SMIM8: variants seen among roughly 807,000 people sequenced by gnomAD.
SMIM8 encodes UPF0708 protein C6orf162.
Under a neutral mutation model 8.1 loss-of-function variants are expected in SMIM8, and 8 were observed. The ratio of observed to expected loss-of-function variants is 0.99; its 90% CI spans 0.58 to 1.78. SMIM8 has a LOEUF of 1.78. Ranked by LOEUF, SMIM8 falls within the 40% of genes most tolerant of loss-of-function variation. The probability of loss-of-function intolerance (pLI) is 0.00; values close to 1 mark genes in which losing one functional copy is unlikely to be tolerated. For synonymous variants in SMIM8, 45 were observed against 39.7 expected, an observed-to-expected ratio of 1.13 and a Z score of -0.50; for missense variants, 126 against 119.8, an observed-to-expected ratio of 1.05 and a Z score of -0.24.
At chr6:87,323,082 T>G (rs1235892698) in intron 1 of SMIM8, 2 of 141,518 alleles carry the variant, frequency 1.4e-5, no homozygotes, top group Non-Finnish European at 2.9e-5. Flanking sequence ...AATGAAGTTT[T>G]CTTTTGGAGG....
intron 1 of SMIM8, chr6:87,323,173 G>C (rs1264928891): frequency 3.9e-5 from 6 of 152,244 alleles, no homozygotes. Flanking sequence ...ATGAGACTCA[G>C]ATTGTCAGTA....
At position 87,330,729 on chromosome 6, in the gene SMIM8, C is replaced by T. The variant is rs1463172239; in HGVS notation, c.-24+17C>T. On this transcript the variant is annotated intron_variant, in intron 2 of 3. Coordinates refer to ENST00000392863, the MANE Select transcript of SMIM8 (RefSeq NM_001042493.3). Reference sequence around the variant, plus strand: ...AAGAAAAAGGTAAAGAACATTTTACCAGAGAGAAACAAATGAAGCAAATAC... The same window carrying T: ...AAGAAAAAGGTAAAGAACATTTTACTAGAGAGAAACAAATGAAGCAAATAC... 6.6e-6 allele frequency: 1 copy of T among 151,950 alleles called. No homozygotes were observed. The highest frequency in any genetic ancestry group is 1.5e-5 in the Non-Finnish European group (1 of 68,002). The allele number at this position is 151,950 out of a possible 1,614,324, so 9.4% of individuals were successfully genotyped here.
chr6:87,333,793 T>C (rs531482867), intron 2 of SMIM8, among the ~76,000 whole-genome samples: 2 of 152,364 alleles, frequency 1.3e-5, no homozygotes, highest in East Asian at 3.9e-4. Flanking sequence ...GAAATGGGCA[T>C]GTAACTGTGC....
chr6:87,322,698 C>T (rs1225231809), intron 1 of SMIM8, 66 bp downstream of exon 1: 1 of 152,190 alleles, frequency 6.6e-6, no homozygotes, highest in Non-Finnish European at 1.5e-5. Context: ...GGCGGCCGCA[C>T]CATCACGCTC....
chr6:87,336,833 T>G (rs1777121855), intron 2 of SMIM8, among the ~76,000 whole-genome samples, 176 bp from the exon 3 acceptor site: 2 of 148,864 alleles, frequency 1.3e-5, no homozygotes, highest in Non-Finnish European at 2.9e-5. Context: ...AATTAACAAA[T>G]TAAAGTTAAA....
At chr6:87,326,401 T>C (rs1776822446) in intron 1 of SMIM8, among the ~76,000 whole-genome samples, 1 of 152,214 alleles carries the variant, frequency 6.6e-6, no homozygotes, top group Non-Finnish European at 1.5e-5. Context: ...CTTGTGGGCA[T>C]TTAGGGCTAT....
chr6:87,340,005 G>A (rs569120737), intron 3 of SMIM8, 111 bp from the exon 4 acceptor site: 1 of 722,976 alleles, frequency 1.4e-6, no homozygotes, highest in Admixed American at 3.2e-5. Flanking sequence ...CCATGGTAAT[G>A]CTAGTGTTGT....
At chr6:87,336,235 A>G (rs1405287839) in intron 2 of SMIM8, among the ~76,000 whole-genome samples, 1 of 152,094 alleles carries the variant, frequency 6.6e-6, no homozygotes, top group African/African-American at 2.4e-5. Context: ...CCAGCATTAG[A>G]TGGCAGAGAG....
chr6:87,341,596 A>G lies in SMIM8; in HGVS notation c.*1322A>G, dbSNP rs1397019418. The G allele has an allele frequency of 1.3e-5, 4 of 298,650 alleles. No individual in the cohort carries two copies. In the East Asian group the frequency reaches 1.7e-4, roughly 13 times the overall value. The allele number at this position is 298,650 out of a possible 1,614,324, so 18.5% of individuals were successfully genotyped here. A position where few individuals can be genotyped will look rare whatever the true frequency, so the allele number is the denominator to read the frequency against. On this transcript the variant is annotated 3_prime_UTR_variant, in exon 4 of 4. Transcript: ENST00000392863. ...ATTAATATTACCAAGTAATAATAACAGCACAGGCAGAGTTTATCATAATGT... is the reference window on the plus strand; with the variant it reads ...ATTAATATTACCAAGTAATAATAACGGCACAGGCAGAGTTTATCATAATGT...
intron 1 of SMIM8, among the ~76,000 whole-genome samples, chr6:87,328,495 G>A (rs1191786120): frequency 6.6e-6 from 1 of 151,588 alleles, no homozygotes; most frequent in Non-Finnish European, 1.5e-5. Context: ...CTTCAGGTCT[G>A]TTGGAGTACC....
Position 87,340,424 on chromosome 6 carries a change from T to G in SMIM8, c.*150T>G. On this transcript the variant is annotated 3_prime_UTR_variant, in exon 4 of 4. Coordinates refer to ENST00000392863, the MANE Select transcript of SMIM8 (RefSeq NM_001042493.3). The stretch of plus-strand genomic sequence containing the variant: ...TTGCAACCAGACAACTGTCGTAAAT[T>G]TTGTCCTTTCACAGCTGCAGCCATT... 1.3e-6 allele frequency: 1 copy of G among 744,658 alleles called. No homozygotes were observed. Among genetic ancestry groups the G allele is most frequent in the Non-Finnish European group, 1.9e-6 (1 of 540,198 alleles). 46.1% of individuals were successfully genotyped at this position (744,658 alleles called of 1,614,324 possible).
Position 87,340,211 on chromosome 6 carries a change from C to T in SMIM8, c.231C>T (p.Leu77=). 6.2e-7 allele frequency: 1 copy of T among 1,611,618 alleles called. No individual in the cohort carries two copies. The highest frequency in any genetic ancestry group is 8.5e-7 in the Non-Finnish European group (1 of 1,179,220). ...LHAIQENKKD[L]YEAIDSEGHS... is the part of the protein sequence containing the mutation. ...CAATACAAGAGAATAAAAAGGACCTCTATGAAGCTATTGATAGTGAGGGGC... is the reference window on the plus strand; with the variant it reads ...CAATACAAGAGAATAAAAAGGACCTTTATGAAGCTATTGATAGTGAGGGGC... The change falls in exon 4 of 4, where the codon CTC becomes CTT. Residue 77 remains leucine (L), a synonymous_variant. Transcript: ENST00000392863.
In SMIM8 at chr6:87,337,139, T is replaced by C; in HGVS notation, c.108T>C (p.Ala36=). 6.2e-7 allele frequency: 1 copy of C among 1,612,642 alleles called. No homozygotes were observed. Among genetic ancestry groups the C allele is most frequent in the Non-Finnish European group, 8.5e-7 (1 of 1,179,154 alleles). Residue 36 remains alanine (A), a synonymous_variant, in exon 3 of 4, where the codon GCT becomes GCC. Transcript: ENST00000392863. ...TGCGCACAACAACCTTATTTCGTGC[T>C]GTGAATCCAGAGCTCTTCATTAAAC... The part of the protein sequence containing the change: ...RGVRTTTLFR[A]VNPELFIKPN...
intron 1 of SMIM8, among the ~76,000 whole-genome samples, chr6:87,328,043 G>A (rs905277600): frequency 5.3e-5 from 8 of 151,848 alleles, no homozygotes; most frequent in African/African-American, 7.3e-5. Flanking sequence ...CCAGTTGATC[G>A]CATCAGCTCC....
intron 1 of SMIM8, among the ~76,000 whole-genome samples, chr6:87,323,659 T>C (rs1776732003): frequency 6.6e-6 from 1 of 152,140 alleles, no homozygotes; most frequent in African/African-American, 2.4e-5. Flanking sequence ...CACATTTTCT[T>C]AATCCAGTCT....
intron 1 of SMIM8, among the ~76,000 whole-genome samples, chr6:87,326,567 T>C (rs1276698992): frequency 6.6e-6 from 1 of 150,554 alleles, no homozygotes; most frequent in African/African-American, 2.5e-5. Context: ...TTCCATGTAG[T>C]TGAGTGGTTT....
chr6:87,327,288 G>A (rs1254035391), intron 1 of SMIM8, among the ~76,000 whole-genome samples: 1 of 150,008 alleles, frequency 6.7e-6, no homozygotes, highest in African/African-American at 2.5e-5. Flanking sequence ...ATATTGTTAT[G>A]TGTGAATTTG....
intron 2 of SMIM8, among the ~76,000 whole-genome samples, chr6:87,335,516 C>T (rs749859758): frequency 2.6e-5 from 4 of 152,030 alleles, no homozygotes; most frequent in Non-Finnish European, 5.9e-5. Context: ...GTGCTTAGAA[C>T]GTTCCTTTTT....
chr6:87,340,068 C>G, intron 3 of SMIM8, 48 bp from the exon 4 acceptor site: 1 of 1,442,806 alleles, frequency 6.9e-7, no homozygotes, highest in South Asian at 1.6e-5. Flanking sequence ...TGGGTCTCCT[C>G]AAATTGTTAG....
Sources: allele counts gnomAD v4.1 joint callset (sites outside exome capture counted in the v4.1 genomes callset), GRCh38; gene constraint gnomAD v4.1.1; transcripts MANE v1.5; gene names NCBI Gene and HGNC (gene_info 2026-07-23, HGNC 2026-07-21).